FANCI: variants seen among roughly 807,000 people sequenced by gnomAD.
The protein encoded by FANCI is Fanconi anemia group I protein.
Under a neutral mutation model 176.1 loss-of-function variants are expected in FANCI, and 156 were observed. The observed-to-expected ratio is 0.89, with a 90% CI of 0.78 to 1.01. The LOEUF (loss-of-function observed/expected upper bound fraction) is 1.01. Among genes scored for constraint, FANCI ranks in the 50% least tolerant of loss-of-function variants. The probability of loss-of-function intolerance (pLI) is 0.00; values close to 1 mark genes in which losing one functional copy is unlikely to be tolerated. For missense variants in FANCI, 1,678 were observed against 1,534.1 expected (o/e 1.09, Z -1.57); for synonymous variants, 613 against 541.7 (o/e 1.13, Z -1.83).
chr15:89,255,595 A>G (rs1310948029), intron 2 of FANCI, among the ~76,000 whole-genome samples: 1 of 152,204 alleles, frequency 6.6e-6, no homozygotes, highest in Non-Finnish European at 1.5e-5. Context: ...TTCTTGTGAG[A>G]CCGCATAAAC....
intron 36 of FANCI, among the ~76,000 whole-genome samples, chr15:89,315,026 C>A (rs1057163914): frequency 6.6e-6 from 1 of 152,014 alleles, no homozygotes; most frequent in Non-Finnish European, 1.5e-5. Flanking sequence ...CCAGGCTGGT[C>A]TCAAACTCCT....
chr15:89,246,379 C>T (rs998815168), intron 1 of FANCI, among the ~76,000 whole-genome samples: 2 of 152,230 alleles, frequency 1.3e-5, no homozygotes, highest in South Asian at 2.1e-4. Flanking sequence ...TCTGTTTCCT[C>T]AAACACTTGC....
chr15:89,279,380 A>G (rs573641851), intron 14 of FANCI, among the ~76,000 whole-genome samples: 6 of 152,102 alleles, frequency 3.9e-5, no homozygotes, highest in African/African-American at 1.4e-4. Flanking sequence ...CTGGTCTCGA[A>G]CTCCTGACTT....
At chr15:89,282,583 A>G (rs1238516781) in intron 16 of FANCI, 1 of 179,336 alleles carries the variant, frequency 5.6e-6, no homozygotes, top group African/African-American at 2.4e-5. Context: ...GCCATATGCT[A>G]TTATCTTTGT....
chr15:89,269,676 C>G (rs2053123576), intron 10 of FANCI, among the ~76,000 whole-genome samples: 1 of 152,204 alleles, frequency 6.6e-6, no homozygotes, highest in South Asian at 2.1e-4. Context: ...TCTGTCACAA[C>G]TACTCAGCTT....
At chr15:89,255,662 T>A (rs747438818) in intron 2 of FANCI, among the ~76,000 whole-genome samples, 21 of 152,234 alleles carry the variant, frequency 1.4e-4, no homozygotes, top group African/African-American at 7.2e-5. Context: ...TTCTATTTTT[T>A]AAAAACTAAA....
At chr15:89,251,867 A>G (rs1284336834) in intron 2 of FANCI, among the ~76,000 whole-genome samples, 1 of 152,224 alleles carries the variant, frequency 6.6e-6, no homozygotes, top group Non-Finnish European at 1.5e-5. Flanking sequence ...TAGAGTCAGC[A>G]TCTTAGTGGG....
intron 34 of FANCI, among the ~76,000 whole-genome samples, chr15:89,311,033 G>A (rs189084409): frequency 4.1e-4 from 62 of 152,198 alleles, no homozygotes; most frequent in South Asian, 4.1e-4. Flanking sequence ...TGAGGCAGGC[G>A]GATCACAAGG....
chr15:89,259,058 G>T, intron 3 of FANCI: 1 of 409,390 alleles, frequency 2.4e-6, no homozygotes. Context: ...GTGCTTTTAA[G>T]ATTGTGGAGA....
intron 22 of FANCI, among the ~76,000 whole-genome samples, 185 bp from the exon 23 acceptor site, chr15:89,293,648 A>G (rs2054148402): frequency 6.6e-6 from 1 of 152,208 alleles, no homozygotes; most frequent in Admixed American, 6.5e-5. Flanking sequence ...AGGTCACACC[A>G]GGGGAAACAA....
Position 89,305,656 on chromosome 15 carries a change from A to G in FANCI, c.3307A>G (p.Ile1103Val), listed in dbSNP as rs1284529259. Residue 1103 changes from isoleucine (I) to valine (V), a missense_variant, in exon 31 of 38, where the codon ATC becomes GTC. Coordinates refer to ENST00000310775, the MANE Select transcript of FANCI (RefSeq NM_001113378.2). ...GGTTCTAGAAGAAGTGGACTGGCTAATCACCAAGCTTAAGGGACAAGTGAG... is the reference window on the plus strand; with the variant it reads ...GGTTCTAGAAGAAGTGGACTGGCTAGTCACCAAGCTTAAGGGACAAGTGAG... ...EKVLEEVDWL[I>V]TKLKGQVSQE... 4 of 1,614,112 alleles carry G rather than the reference A, an allele frequency of 2.5e-6. No individual in the cohort carries two copies. The African/African-American group carries it at 5.3e-5, about 22-fold the overall frequency.
intron 12 of FANCI, among the ~76,000 whole-genome samples, chr15:89,274,599 C>CTTTTTTTTTTTTCTTTTT (rs2053333093): frequency 1.2e-5 from 1 of 82,814 alleles, no homozygotes; most frequent in Non-Finnish European, 2.2e-5. Flanking sequence ...TCTTTCTTTC[C>CTTTTTTTTTTTTCTTTTT]TTTTTTTTTT....
At chr15:89,314,751 T>C (rs1469167455) in intron 36 of FANCI, 44 bp downstream of exon 36, 1 of 1,432,938 alleles carries the variant, frequency 7.0e-7, no homozygotes, top group Non-Finnish European at 9.8e-7. Context: ...ATTTACCTTC[T>C]TGACAGATCT....
chr15:89,245,936 G>A (rs7184008), intron 1 of FANCI: 85,366 of 152,186 alleles, frequency 0.56, 25,651 homozygotes, highest in African/African-American at 0.79. Flanking sequence ...GGTGGCTTGG[G>A]GTAATGTGTC....
intron 12 of FANCI, among the ~76,000 whole-genome samples, chr15:89,274,987 C>T (rs1027993316): frequency 6.6e-6 from 1 of 151,966 alleles, no homozygotes; most frequent in Non-Finnish European, 1.5e-5. Context: ...TCTATTATAG[C>T]ACGGTAAAGC....
rs1567165544 is a variant in FANCI at position 89,293,822 on chromosome 15, GT to G, written c.2292-5del. The G allele has an allele frequency of 6.2e-7, 1 of 1,612,042 alleles. No individual in the cohort carries two copies. The highest frequency in any genetic ancestry group is 1.1e-5 in the South Asian group (1 of 90,840). ...GTTTGTCCTTAGCGGTCTCTTTTTTGTTTTTTACAGTAAGAATAGGTTTGAG... is the reference window on the plus strand; with the variant it reads ...GTTTGTCCTTAGCGGTCTCTTTTTTGTTTTTACAGTAAGAATAGGTTTGAG... On this transcript the variant is annotated splice_polypyrimidine_tract_variant and intron_variant, in intron 22 of 37. Transcript: ENST00000310775.
At chr15:89,280,013 T>C (rs188330943) in intron 14 of FANCI, among the ~76,000 whole-genome samples, 2 of 152,250 alleles carry the variant, frequency 1.3e-5, no homozygotes, top group East Asian at 1.9e-4. Context: ...TAGTAAATTG[T>C]CAGCTCTTTT....
intron 2 of FANCI, 131 bp from the exon 3 acceptor site, chr15:89,258,573 A>G (rs1342644320): frequency 6.6e-6 from 5 of 761,904 alleles, no homozygotes; most frequent in Non-Finnish European, 1.2e-5. Flanking sequence ...TCTAAAAATT[A>G]TGGTGTTTGT....
chr15:89,311,972 T>C (rs1050867121), intron 34 of FANCI, among the ~76,000 whole-genome samples: 9 of 152,208 alleles, frequency 5.9e-5, no homozygotes, highest in Non-Finnish European at 5.9e-5. Context: ...CACTTTTTGG[T>C]TCCTTTTATT....
Sources: gnomAD v4.1 joint callset for allele counts (sites outside exome capture counted in the v4.1 genomes callset) on GRCh38, gnomAD v4.1.1 for gene constraint, MANE v1.5 for transcripts, NCBI Gene and HGNC (gene_info 2026-07-23, HGNC 2026-07-21) for gene names.